Variants in FSTL4 observed in about 807,000 individuals in gnomAD.
The protein encoded by FSTL4 is follistatin like 4.
A neutral mutation model predicts 78.2 loss-of-function variants in FSTL4; 28 were observed. The ratio of observed to expected loss-of-function variants is 0.36; its 90% confidence interval spans 0.27 to 0.49. The LOEUF is 0.49. Among genes scored for constraint, FSTL4 ranks in the 20% least tolerant of loss-of-function variants. FSTL4 has a pLI of 0.98. For synonymous variants in FSTL4, 422 were observed against 440.5 expected, an observed-to-expected ratio of 0.96 and a Z score of 0.53; for missense variants, 922 against 1,084.9, an observed-to-expected ratio of 0.85 and a Z score of 2.11.
At chr5:133,339,272 T>TG (rs1754534615) in intron 4 of FSTL4, among the ~76,000 whole-genome samples, 1 of 152,200 alleles carries the variant, frequency 6.6e-6, no homozygotes, top group Non-Finnish European at 1.5e-5. Flanking sequence ...GATGGAATGA[T>TG]GACTGCTTTG....
At chr5:133,637,540 G>T in the FSTL4 span, among the ~76,000 whole-genome samples, 1 of 152,146 alleles carries the variant, frequency 6.6e-6, no homozygotes, top group African/African-American at 2.4e-5. Flanking sequence ...TCACTCACTT[G>T]TCTTAGAAAC....
intron 6 of FSTL4, among the ~76,000 whole-genome samples, chr5:133,295,983 T>C (rs1753386918): frequency 6.6e-6 from 1 of 152,216 alleles, no homozygotes; most frequent in South Asian, 2.1e-4. Context: ...ATCTTCAGCC[T>C]AGCCCTCTCC....
intron 15 of FSTL4, among the ~76,000 whole-genome samples, chr5:133,200,347 G>C (rs1750279645): frequency 6.6e-6 from 1 of 152,254 alleles, no homozygotes; most frequent in South Asian, 2.1e-4. Flanking sequence ...GAAACATGTA[G>C]GGGCAGTCTC....
At chr5:133,305,902 C>T (rs1301546232) in intron 6 of FSTL4, among the ~76,000 whole-genome samples, 3 of 152,200 alleles carry the variant, frequency 2.0e-5, no homozygotes, top group East Asian at 3.9e-4. Context: ...GAGATGAGAC[C>T]GGGCCTGTCC....
At chr5:133,638,170 T>G in the FSTL4 span, among the ~76,000 whole-genome samples, 1 of 151,858 alleles carries the variant, frequency 6.6e-6, no homozygotes, top group Non-Finnish European at 1.5e-5. Context: ...TAGCTCCACT[T>G]TCCCAATATA....
rs1305312225 is a variant in FSTL4 at position 133,567,195 on chromosome 5, T to C, written c.151A>G (p.Arg51Gly). Residue 51 changes from arginine to glycine, a missense_variant, in exon 3 of 16, where the codon AGA (arginine) becomes GGA (glycine). Physicochemically the swap from Arg to Gly is moderately radical, Grantham distance 125. Coordinates refer to ENST00000265342, the MANE Select transcript of FSTL4 (RefSeq NM_015082.2). ...AGTGCATTTTTCCTACCTTCTCTTC[T>C]TGTGACTTCAAAGCTTCTGGGCTCC... is the stretch of plus-strand genomic sequence containing the variant. Reference protein sequence around the residue: ...AEEPRSFEVTRREGLSSHNEL... With the variant: ...AEEPRSFEVTGREGLSSHNEL... 4 of 1,609,008 alleles carry C rather than the reference T, an allele frequency of 2.5e-6. No individual in the cohort carries two copies. The highest frequency in any genetic ancestry group is 2.2e-5 in the East Asian group (1 of 44,878).
At chr5:133,309,299 T>C (rs1753724940) in intron 6 of FSTL4, among the ~76,000 whole-genome samples, 1 of 152,170 alleles carries the variant, frequency 6.6e-6, no homozygotes, top group African/African-American at 2.4e-5. Flanking sequence ...GAGCCTTTAG[T>C]TCCTAGATCA....
chr5:133,657,608 T>C, the FSTL4 span, among the ~76,000 whole-genome samples: 279 of 152,354 alleles, frequency 1.8e-3, 1 homozygote, highest in Middle Eastern at 0.01. Flanking sequence ...ATGTATGTAT[T>C]AATGTTACTA....
At chr5:133,388,845 A>T (rs1755769834) in intron 4 of FSTL4, among the ~76,000 whole-genome samples, 1 of 150,366 alleles carries the variant, frequency 6.7e-6, no homozygotes, top group Non-Finnish European at 1.5e-5. Flanking sequence ...CTCCCACAGT[A>T]TTTTTTAAAT....
At chr5:133,232,251 G>T (rs759114362) in intron 8 of FSTL4, among the ~76,000 whole-genome samples, 5 of 152,144 alleles carry the variant, frequency 3.3e-5, no homozygotes, top group Non-Finnish European at 5.9e-5. Context: ...TGCTGGAATG[G>T]TTTCTTTAGT....
chr5:133,535,393 C>T (rs149679047), intron 3 of FSTL4, among the ~76,000 whole-genome samples: 83 of 152,370 alleles, frequency 5.4e-4, no homozygotes, highest in Middle Eastern at 3.4e-3. Flanking sequence ...ACACCTGGCC[C>T]GCCCAGGGCG....
intron 2 of FSTL4, among the ~76,000 whole-genome samples, chr5:133,598,537 A>C (rs1760789230): frequency 6.6e-6 from 1 of 151,994 alleles, no homozygotes; most frequent in South Asian, 2.1e-4. Context: ...TATAGGTGGG[A>C]GGTTGTGCCC....
chr5:133,776,425 T>C, the FSTL4 span, among the ~76,000 whole-genome samples: 1 of 152,212 alleles, frequency 6.6e-6, no homozygotes, highest in Admixed American at 6.5e-5. Context: ...CTAAAGGTAG[T>C]AATGGTTTGC....
chr5:133,449,625 G>A (rs1380684872), intron 3 of FSTL4, among the ~76,000 whole-genome samples: 1 of 152,124 alleles, frequency 6.6e-6, no homozygotes, highest in African/African-American at 2.4e-5. Flanking sequence ...CCTTCCTCAA[G>A]CAACCACCCC....
chr5:133,256,361 A>T (rs1752380668), intron 6 of FSTL4: 1 of 152,260 alleles, frequency 6.6e-6, no homozygotes, highest in Admixed American at 6.5e-5. Flanking sequence ...ATCTGGTCCC[A>T]TCCCTGTGAC....
At chr5:133,229,450 A>G (rs1372239724) in intron 8 of FSTL4, among the ~76,000 whole-genome samples, 2 of 152,104 alleles carry the variant, frequency 1.3e-5, no homozygotes, top group African/African-American at 2.4e-5. Flanking sequence ...TTGAGCCTGG[A>G]AAGTTGAGGC....
chr5:133,502,441 A>G (rs576572416), intron 3 of FSTL4, among the ~76,000 whole-genome samples: 1 of 152,304 alleles, frequency 6.6e-6, no homozygotes, highest in Non-Finnish European at 1.5e-5. Flanking sequence ...CGGCAAAGAA[A>G]GCAGGTGATA....
chr5:133,408,155 A>G (rs937987572), intron 3 of FSTL4, among the ~76,000 whole-genome samples: 29 of 152,326 alleles, frequency 1.9e-4, no homozygotes, highest in Non-Finnish European at 2.9e-5. Context: ...TTGAACAAAG[A>G]CGTAACCCTC....
chr5:133,231,252 C>T (rs2126801108), intron 8 of FSTL4, among the ~76,000 whole-genome samples: 1 of 152,128 alleles, frequency 6.6e-6, no homozygotes, highest in Admixed American at 6.5e-5. Context: ...CTTGAAAACA[C>T]CCTGAAGTGT....
Sources: gnomAD v4.1 joint callset for allele counts (sites outside exome capture counted in the v4.1 genomes callset) on GRCh38, gnomAD v4.1.1 for gene constraint, MANE v1.5 for transcripts, NCBI Gene and HGNC (gene_info 2026-07-23, HGNC 2026-07-21) for gene names.